Variants in MIPEP observed in about 807,000 individuals in gnomAD.
The protein encoded by MIPEP is mitochondrial intermediate peptidase.
A neutral mutation model predicts 90.3 loss-of-function variants in MIPEP; 79 were observed. The ratio of observed to expected loss-of-function variants is 0.87; its 90% CI spans 0.73 to 1.05. The LOEUF (loss-of-function observed/expected upper bound fraction) is 1.05. Among genes scored for constraint, MIPEP ranks in the 50% least tolerant of loss-of-function variants. MIPEP has a pLI of 0.00. For missense variants in MIPEP, 940 were observed against 905.6 expected, an observed-to-expected ratio of 1.04 and a Z score of -0.49; for synonymous variants, 334 against 315.8, an observed-to-expected ratio of 1.06 and a Z score of -0.61.
At chr13:23,763,916 A>G (rs1468311196) in intron 16 of MIPEP, among the ~76,000 whole-genome samples, 2 of 152,230 alleles carry the variant, frequency 1.3e-5, no homozygotes, top group Non-Finnish European at 2.9e-5. Flanking sequence ...GTTTGAACAC[A>G]ATTGCTGAAT....
chr13:23,883,104 T>C (rs1871335190), intron 2 of MIPEP, among the ~76,000 whole-genome samples: 1 of 151,992 alleles, frequency 6.6e-6, no homozygotes, highest in East Asian at 1.9e-4. Context: ...TTCAGATATT[T>C]TTAAGATATT....
chr13:23,822,850 T>G (rs1953324116), intron 14 of MIPEP, among the ~76,000 whole-genome samples: 1 of 151,882 alleles, frequency 6.6e-6, no homozygotes, highest in Non-Finnish European at 1.5e-5. Flanking sequence ...CCCAACTATG[T>G]GAAGTCCAAA....
At chr13:23,739,732 CACGGCAGCAAGCAGAA>C (rs879593808) in intron 18 of MIPEP, among the ~76,000 whole-genome samples, 4 of 152,210 alleles carry the variant, frequency 2.6e-5, no homozygotes, top group Admixed American at 6.5e-5. Flanking sequence ...GCTCCCTGTG[CACGGCAGCAAGCAGAA>C]ACATGACTAC....
chr13:23,839,141 G>T (rs897877619), intron 12 of MIPEP, among the ~76,000 whole-genome samples: 1 of 152,254 alleles, frequency 6.6e-6, no homozygotes, highest in African/African-American at 2.4e-5. Context: ...CTACTTGGTG[G>T]TTGGTAAGGT....
At chr13:23,768,183 C>T (rs560426245) in intron 16 of MIPEP, among the ~76,000 whole-genome samples, 1 of 152,288 alleles carries the variant, frequency 6.6e-6, no homozygotes, top group East Asian at 1.9e-4. Context: ...TACCAGCTCA[C>T]TGGTTCTATC....
At chr13:23,820,119 G>A (rs1953288297) in intron 14 of MIPEP, among the ~76,000 whole-genome samples, 1 of 152,148 alleles carries the variant, frequency 6.6e-6, no homozygotes, top group African/African-American at 2.4e-5. Context: ...TAAAAAATGG[G>A]TTAAGTGTGA....
chr13:23,750,613 T>C (rs1952431884), intron 18 of MIPEP, among the ~76,000 whole-genome samples: 1 of 152,180 alleles, frequency 6.6e-6, no homozygotes, highest in African/African-American at 2.4e-5. Context: ...GTATTTGTCA[T>C]TTCCCCCGCT....
Position 23,730,378 on chromosome 13 carries a change from G to C in MIPEP, c.2112C>G (p.Asp704Glu). 8 of 1,612,344 alleles carry C rather than the reference G, an allele frequency of 5.0e-6. No homozygotes were observed. Among genetic ancestry groups the C allele is most frequent in the Non-Finnish European group, 6.8e-6 (8 of 1,178,774 alleles). ...CAGAATCCATGAGGAAAGTTTCGAA[G>C]TCCAGATCCAAGTCGGAAACGAGGG... Reference protein sequence around the residue: ...VSALVSDLDLDFETFLMDSE With the variant: ...VSALVSDLDLEFETFLMDSE Residue 704 changes from aspartate to glutamate, a missense_variant, in exon 19 of 19, where the codon GAC becomes GAG. Asp to Glu is a conservative substitution (Grantham distance 45, BLOSUM62 2). Transcript: ENST00000382172.
intron 1 of MIPEP, 181 bp downstream of exon 1, chr13:23,888,951 C>T (rs746475277): frequency 2.9e-4 from 169 of 576,162 alleles, no homozygotes; most frequent in Non-Finnish European, 4.0e-4. Flanking sequence ...TAAACCCGGC[C>T]CCTCAAAGCA....
intron 14 of MIPEP, among the ~76,000 whole-genome samples, chr13:23,825,579 G>A (rs975137461): frequency 5.3e-5 from 8 of 152,138 alleles, no homozygotes; most frequent in African/African-American, 9.7e-5. Flanking sequence ...AAGTTTAGGC[G>A]ATACATATTG....
intron 14 of MIPEP, among the ~76,000 whole-genome samples, chr13:23,827,593 G>A (rs1868526306): frequency 6.6e-6 from 1 of 152,156 alleles, no homozygotes; most frequent in Non-Finnish European, 1.5e-5. Flanking sequence ...ATATTTAAGT[G>A]AACACCAGCA....
At chr13:23,793,535 A>T (rs756738455) in intron 16 of MIPEP, among the ~76,000 whole-genome samples, 1 of 152,186 alleles carries the variant, frequency 6.6e-6, no homozygotes, top group Non-Finnish European at 1.5e-5. Flanking sequence ...ATATCTCAAT[A>T]AAAATGTAAA....
chr13:23,773,976 T>C (rs1952682893), intron 16 of MIPEP, among the ~76,000 whole-genome samples: 1 of 152,218 alleles, frequency 6.6e-6, no homozygotes, highest in Non-Finnish European at 1.5e-5. Context: ...CTTTAGGTGA[T>C]GTATCTAAGA....
intron 16 of MIPEP, among the ~76,000 whole-genome samples, chr13:23,783,032 G>C (rs1479028327): frequency 6.6e-6 from 1 of 152,316 alleles, no homozygotes; most frequent in Non-Finnish European, 1.5e-5. Context: ...GAGGTACAAG[G>C]AGGAGCTGGT....
chr13:23,765,688 C>T (rs183639824), intron 16 of MIPEP, among the ~76,000 whole-genome samples: 14 of 152,284 alleles, frequency 9.2e-5, no homozygotes, highest in African/African-American at 2.2e-4. Context: ...GGAAGCACAA[C>T]GGGAACTCGA....
At chr13:23,782,024 C>T (rs1952788270) in intron 16 of MIPEP, among the ~76,000 whole-genome samples, 1 of 152,184 alleles carries the variant, frequency 6.6e-6, no homozygotes, top group South Asian at 2.1e-4. Flanking sequence ...TAACACCCCA[C>T]TGTCAACATT....
Position 23,869,305 on chromosome 13 carries a change from T to C in MIPEP, c.930A>G (p.Ile310Met), listed in dbSNP as rs1413592007. Residue 310 changes from isoleucine to methionine, a missense_variant, in exon 7 of 19, where the codon ATA becomes ATG. Coordinates refer to ENST00000382172, the MANE Select transcript of MIPEP (RefSeq NM_005932.4). ...AAACAGGCTTACCTGGATTTTTAGC[T>C]ATCGTTCCTTGGAGAGCCCTGTGAG... Reference protein sequence around the residue: ...TFSHRALQGTIAKNPETVMQF... With the variant: ...TFSHRALQGTMAKNPETVMQF... 3 of 1,597,538 alleles carry C rather than the reference T, an allele frequency of 1.9e-6. No homozygotes were observed. The Admixed American group carries it at 5.4e-5, about 29-fold the overall frequency.
Position 23,881,927 on chromosome 13 carries a change from G to C in MIPEP, c.364-140C>G, listed in dbSNP as rs1871287183. On this transcript the variant is annotated intron_variant, in intron 2 of 18. Coordinates refer to ENST00000382172, the MANE Select transcript of MIPEP (RefSeq NM_005932.4). The stretch of plus-strand genomic sequence containing the variant: ...ATTTCCATTACTGACTTTTTCCTAA[G>C]CGAGTAAAGCAAAGCAGCTTCTTTC... 8.0e-6 allele frequency: 5 copies of C among 628,332 alleles called. No individual in the cohort carries two copies. The South Asian group carries it at 8.0e-5, about 10-fold the overall frequency. The allele number at this position is 628,332 out of a possible 1,614,324, so 38.9% of individuals were successfully genotyped here. A position where few individuals can be genotyped will look rare whatever the true frequency, so the allele number is the denominator to read the frequency against.
intron 10 of MIPEP, among the ~76,000 whole-genome samples, chr13:23,852,368 T>C (rs1869835086): frequency 6.6e-6 from 1 of 152,188 alleles, no homozygotes; most frequent in Non-Finnish European, 1.5e-5. Context: ...AAGTACATAA[T>C]AAACGTATAA....
Sources: gnomAD v4.1 joint callset for allele counts (sites outside exome capture counted in the v4.1 genomes callset) on GRCh38, gnomAD v4.1.1 for gene constraint, MANE v1.5 for transcripts, NCBI Gene and HGNC (gene_info 2026-07-23, HGNC 2026-07-21) for gene names.